PHAF1: variants seen among roughly 807,000 people sequenced by gnomAD.
The protein encoded by PHAF1 is phagophore assembly factor 1, also known as phagosome assembly factor 1.
Under a neutral mutation model 63.1 loss-of-function variants are expected in PHAF1, and 23 were observed. The ratio of observed to expected loss-of-function variants is 0.36; its 90% confidence interval spans 0.26 to 0.52. PHAF1 has a LOEUF of 0.52. PHAF1 is among the 20% of genes least tolerant of loss of function. The pLI is 0.93. For missense variants in PHAF1, 427 were observed against 517.2 expected (o/e 0.83, Z 1.69); for synonymous variants, 167 against 185.0 (o/e 0.90, Z 0.79).
At chr16:67,127,526 G>A (rs1485602692) in intron 3 of PHAF1, among the ~76,000 whole-genome samples, 6 of 152,240 alleles carry the variant, frequency 3.9e-5, no homozygotes, top group Admixed American at 1.3e-4. Flanking sequence ...GCCGGGTGCA[G>A]TGGCTCACGC....
chr16:67,110,327 C>G lies in PHAF1; in HGVS notation c.64+88C>G, dbSNP rs1007124196. The G allele has an allele frequency of 4.2e-6, 6 of 1,416,076 alleles. No individual in the cohort carries two copies. The Admixed American group carries it at 8.0e-5, about 19-fold the overall frequency. The allele number at this position is 1,416,076 out of a possible 1,614,324, so 87.7% of individuals were successfully genotyped here. A position where few individuals can be genotyped will look rare whatever the true frequency, so the allele number is the denominator to read the frequency against. The stretch of plus-strand genomic sequence containing the variant: ...CCACCTGTTCTCAGTCTCTCACGCC[C>G]CTGCGCCCGCAGCTCCTCACCTCTT... On this transcript the variant is annotated intron_variant, in intron 1 of 15. Coordinates refer to ENST00000219139, the MANE Select transcript of PHAF1 (RefSeq NM_025187.5).
intron 6 of PHAF1, among the ~76,000 whole-genome samples, chr16:67,133,532 C>A (rs1388481000): frequency 1.3e-5 from 2 of 149,168 alleles, no homozygotes; most frequent in Non-Finnish European, 3.0e-5. Context: ...ACAGGCCGGG[C>A]GCAGTGGCTC....
chr16:67,112,638 A>G (rs1962564689), intron 1 of PHAF1, among the ~76,000 whole-genome samples: 1 of 152,100 alleles, frequency 6.6e-6, no homozygotes, highest in Admixed American at 6.6e-5. Context: ...TTGTTTTGAT[A>G]CCCTAACCCT....
chr16:67,143,857 G>C (rs972349972), intron 10 of PHAF1, among the ~76,000 whole-genome samples: 1 of 152,110 alleles, frequency 6.6e-6, no homozygotes, highest in African/African-American at 2.4e-5. Flanking sequence ...GGGAGGCCGA[G>C]GTGGGCGGAT....
chr16:67,132,814 C>G lies in PHAF1; in HGVS notation c.356-3C>G. 1 of 1,607,772 alleles carries G rather than the reference C, an allele frequency of 6.2e-7. No homozygotes were observed. The highest frequency in any genetic ancestry group is 8.5e-7 in the Non-Finnish European group (1 of 1,174,140). On this transcript the variant is annotated splice_polypyrimidine_tract_variant and splice_region_variant and intron_variant, in intron 5 of 15. Transcript: ENST00000219139. Reference sequence around the variant, plus strand: ...TTATTTTCTTCTCCCCCACCCCCAACAGTGTACAACTCCGCTGAGCAGCTC... The same window carrying G: ...TTATTTTCTTCTCCCCCACCCCCAAGAGTGTACAACTCCGCTGAGCAGCTC...
chr16:67,142,215 G>T (rs1235423199), intron 10 of PHAF1, among the ~76,000 whole-genome samples: 1 of 152,212 alleles, frequency 6.6e-6, no homozygotes, highest in Non-Finnish European at 1.5e-5. Flanking sequence ...GAAGTGGGTA[G>T]CTTCTTCCCA....
chr16:67,141,676 G>A (rs1597215475), intron 10 of PHAF1, among the ~76,000 whole-genome samples: 2 of 152,222 alleles, frequency 1.3e-5, no homozygotes, highest in Admixed American at 6.5e-5. Context: ...CCAGGCGCCA[G>A]CATAGGCACC....
At chr16:67,131,442 G>A in intron 4 of PHAF1, 113 bp downstream of exon 4, 1 of 793,158 alleles carries the variant, frequency 1.3e-6, no homozygotes, top group Non-Finnish European at 2.0e-6. Flanking sequence ...TTATAGCCTG[G>A]TGCCATGAAT....
Position 67,131,273 on chromosome 16 carries a change from A to T in PHAF1, c.232-13A>T. 1 of 1,577,586 alleles carries T rather than the reference A, an allele frequency of 6.3e-7. No individual in the cohort carries two copies. Among genetic ancestry groups the T allele is most frequent in the Non-Finnish European group, 8.6e-7 (1 of 1,157,066 alleles). On this transcript the variant is annotated splice_polypyrimidine_tract_variant and intron_variant, in intron 3 of 15. Transcript: ENST00000219139. ...ACTTTCAGAGCATTGACAACTCTTAAACTTTTTTTTAGGTGATCGAAGTAT... is the reference window on the plus strand; with the variant it reads ...ACTTTCAGAGCATTGACAACTCTTATACTTTTTTTTAGGTGATCGAAGTAT...
intron 1 of PHAF1, 99 bp downstream of exon 1, chr16:67,110,338 A>G: frequency 6.0e-6 from 8 of 1,329,796 alleles, no homozygotes; most frequent in Non-Finnish European, 8.4e-6. Flanking sequence ...CTGCGCCCGC[A>G]GCTCCTCACC....
intron 4 of PHAF1, among the ~76,000 whole-genome samples, chr16:67,131,560 C>T (rs1963400083): frequency 6.6e-6 from 1 of 152,186 alleles, no homozygotes; most frequent in African/African-American, 2.4e-5. Flanking sequence ...CTAACTTAAT[C>T]CACTTGACAA....
In PHAF1 at chr16:67,145,637, G is replaced by A; in HGVS notation, c.1109+9G>A. On this transcript the variant is annotated intron_variant, in intron 14 of 15. Coordinates refer to ENST00000219139, the MANE Select transcript of PHAF1 (RefSeq NM_025187.5). ...CCTGTTGTCCTGCACAGGTGAGTGG[G>A]AGTTTGATGTCCCCGGCCACCCCAC... The A allele has an allele frequency of 6.2e-7, 1 of 1,609,196 alleles. No individual in the cohort carries two copies. The highest frequency in any genetic ancestry group is 2.2e-5 in the East Asian group (1 of 44,832).
chr16:67,147,148 G>A lies in PHAF1; in HGVS notation c.*17G>A, dbSNP rs570497017. 2.3e-5 allele frequency: 36 copies of A among 1,592,298 alleles called. 1 individual carries two copies. The South Asian group carries it at 3.9e-4, about 17-fold the overall frequency. ...CTCCCCTAGGGACACCACCACCCAT[G>A]CCCCTCTGTCCCGTGGAACTGTGCA... is the stretch of plus-strand genomic sequence containing the variant. On this transcript the variant is annotated 3_prime_UTR_variant, in exon 16 of 16. Transcript: ENST00000219139.
At chr16:67,122,770 CCAG>C (rs2145838419) in intron 2 of PHAF1, among the ~76,000 whole-genome samples, 1 of 152,124 alleles carries the variant, frequency 6.6e-6, no homozygotes, top group South Asian at 2.1e-4. Flanking sequence ...GCTCCGTCAC[CCAG>C]GCTGGGGTAC....
In PHAF1 at chr16:67,145,565, T is replaced by A; in HGVS notation, c.1051-5T>A. On this transcript the variant is annotated splice_polypyrimidine_tract_variant and splice_region_variant and intron_variant, in intron 13 of 15. Transcript: ENST00000219139. ...AACCCCTGCTCCCCTCTATCCCTCT[T>A]GCAGTGGGACAACATCCAGGAGCTC... The A allele has an allele frequency of 6.2e-7, 1 of 1,614,022 alleles. No individual in the cohort carries two copies. The highest frequency in any genetic ancestry group is 8.5e-7 in the Non-Finnish European group (1 of 1,179,928).
chr16:67,145,501 A>G, intron 13 of PHAF1, 69 bp from the exon 14 acceptor site: 1 of 1,611,522 alleles, frequency 6.2e-7, no homozygotes, highest in Non-Finnish European at 8.5e-7. Flanking sequence ...TGTGTCCTCT[A>G]GGCCAGCCAT....
intron 11 of PHAF1, 74 bp downstream of exon 11, chr16:67,144,450 CT>C: frequency 9.0e-7 from 1 of 1,112,954 alleles, no homozygotes; most frequent in Non-Finnish European, 1.4e-6. Flanking sequence ...GAGCTTTTGG[CT>C]TTGGGTGTTC....
intron 12 of PHAF1, 119 bp downstream of exon 12, chr16:67,144,996 T>A: frequency 7.9e-7 from 1 of 1,266,784 alleles, no homozygotes; most frequent in East Asian, 2.3e-5. Context: ...TGGCCTCAGT[T>A]CCTCTGGGGT....
At chr16:67,118,123 ATTTTTTTT>A (rs772394136) in intron 1 of PHAF1, among the ~76,000 whole-genome samples, 3,014 of 120,946 alleles carry the variant, frequency 0.025, 118 homozygotes, top group African/African-American at 0.083. Context: ...CGCCCGGCTA[ATTTTTTTT>A]TTTTTTTTTT....
Sources: gnomAD v4.1 joint callset for allele counts (sites outside exome capture counted in the v4.1 genomes callset) on GRCh38, gnomAD v4.1.1 for gene constraint, MANE v1.5 for transcripts, NCBI Gene and HGNC (gene_info 2026-07-23, HGNC 2026-07-21) for gene names.